GBE1: variants seen among roughly 807,000 people sequenced by gnomAD.
GBE1 encodes the protein 1,4-alpha-glucan branching enzyme 1.
Under a neutral mutation model 88.8 loss-of-function variants are expected in GBE1, and 70 were observed. The observed-to-expected ratio is 0.79, with a 90% CI of 0.65 to 0.96. The LOEUF is 0.96. Among genes scored for constraint, GBE1 ranks in the 40% least tolerant of loss-of-function variants. The pLI, the probability that GBE1 is intolerant of heterozygous loss-of-function variation, is 0.00. For missense variants in GBE1, 872 were observed against 871.0 expected (o/e 1.00, Z -0.01); for synonymous variants, 284 against 300.1 (o/e 0.95, Z 0.56).
Position 81,591,127 on chromosome 3 carries a change from TC to T in GBE1, c.1145del (p.Gly382AspfsTer4). On this transcript the variant is annotated frameshift_variant, in exon 9 of 16. Transcript: ENST00000429644. LOFTEE classifies it high-confidence loss of function. ...TCAAGGCATCTTCATCTACTTGTAG[TC>T]CGAAATATTCACTGTAATCACCTGA... ...GFSGDYSEYFGLQVDEDALTY... is the reference protein window; with the variant it reads ...GFSGDYSEYFXLQVDEDALTY... 1 of 1,606,716 alleles carries T rather than the reference TC, an allele frequency of 6.2e-7. No homozygotes were observed. The highest frequency in any genetic ancestry group is 8.5e-7 in the Non-Finnish European group (1 of 1,175,810).
intron 15 of GBE1, 54 bp downstream of exon 15, chr3:81,499,056 T>TGTA: frequency 1.2e-6 from 1 of 830,950 alleles, no homozygotes; most frequent in Admixed American, 2.6e-5. Flanking sequence ...AAAACATTAC[T>TGTA]ATAATAAAAG....
chr3:81,750,659 GTATATATATA>G lies in GBE1; in HGVS notation c.143+10706_143+10715del, dbSNP rs1553696645. On this transcript the variant is annotated intron_variant, in intron 1 of 15. Transcript: ENST00000429644. Reference sequence around the variant, plus strand: ...TATATATATATGTATATATATATATGTATATATATATATACGTATATATATATATATATAT... The same window carrying G: ...TATATATATATGTATATATATATATGTATACGTATATATATATATATATAT... Among the ~76,000 whole-genome samples, 18 of 35,290 alleles carry G rather than the reference GTATATATATA, an allele frequency of 5.1e-4. 3 individuals carry two copies. The highest frequency in any genetic ancestry group is 1.1e-3 in the African/African-American group (5 of 4,656). The allele number at this position is 35,290 out of a possible 152,430, so 23.2% of individuals were successfully genotyped here. A position where few individuals can be genotyped will look rare whatever the true frequency, so the allele number is the denominator to read the frequency against.
At chr3:81,682,341 A>G (rs1705358779) in intron 2 of GBE1, among the ~76,000 whole-genome samples, 1 of 152,164 alleles carries the variant, frequency 6.6e-6, no homozygotes, top group Admixed American at 6.6e-5. Context: ...ACACGCCTGT[A>G]GTCCTAGCTA....
intron 2 of GBE1, among the ~76,000 whole-genome samples, chr3:81,696,962 G>A (rs1705604916): frequency 6.6e-6 from 1 of 151,962 alleles, no homozygotes; most frequent in Non-Finnish European, 1.5e-5. Flanking sequence ...AAAGGTATGG[G>A]AACTTCTCCC....
intron 7 of GBE1, among the ~76,000 whole-genome samples, chr3:81,601,707 T>C (rs922543326): frequency 6.6e-6 from 1 of 152,166 alleles, no homozygotes; most frequent in African/African-American, 2.4e-5. Flanking sequence ...GGCTGTAATA[T>C]ATCAATGTGT....
intron 15 of GBE1, among the ~76,000 whole-genome samples, chr3:81,491,623 T>C (rs1051255441): frequency 6.6e-6 from 1 of 152,206 alleles, no homozygotes; most frequent in Non-Finnish European, 1.5e-5. Context: ...AATAATATTG[T>C]AGATGGTTGT....
chr3:81,701,295 C>T (rs9847076), intron 2 of GBE1, among the ~76,000 whole-genome samples: 19,295 of 151,726 alleles, frequency 0.13, 1,370 homozygotes, highest in Non-Finnish European at 0.17. Flanking sequence ...AACGACTGGA[C>T]GAAAAAGAAA....
At position 81,756,185 on chromosome 3, in the gene GBE1, T is replaced by C. The variant is rs143301157; in HGVS notation, c.143+5190A>G. 1.2e-4 allele frequency among the ~76,000 whole-genome samples: 18 copies of C among 152,318 alleles called. 1 individual carries two copies. The East Asian group carries it at 3.5e-3, about 29-fold the overall frequency. On this transcript the variant is annotated intron_variant, in intron 1 of 15. Coordinates refer to ENST00000429644, the MANE Select transcript of GBE1 (RefSeq NM_000158.4). ...CAGAGATCAAACTTTTAGTCTCTGA[T>C]GAGTATGAAAGTATCTAATTAAGAA...
At chr3:81,700,768 A>T (rs191253177) in intron 2 of GBE1, among the ~76,000 whole-genome samples, 4 of 152,272 alleles carry the variant, frequency 2.6e-5, no homozygotes, top group Non-Finnish European at 4.4e-5. Flanking sequence ...ACTCTGCAAA[A>T]ATATCAGTGG....
intron 14 of GBE1, among the ~76,000 whole-genome samples, chr3:81,525,765 G>T (rs1337426906): frequency 2.0e-5 from 3 of 152,042 alleles, no homozygotes; most frequent in Non-Finnish European, 4.4e-5. Flanking sequence ...TCTTGGGAGA[G>T]TGTATGTGTC....
At chr3:81,736,557 C>T (rs1195608602) in intron 1 of GBE1, among the ~76,000 whole-genome samples, 1 of 152,190 alleles carries the variant, frequency 6.6e-6, no homozygotes, top group Admixed American at 6.5e-5. Flanking sequence ...AATTAGCCTG[C>T]TACCTGATAT....
chr3:81,629,029 T>TG (rs1704465349), intron 7 of GBE1, among the ~76,000 whole-genome samples: 4 of 144,450 alleles, frequency 2.8e-5, no homozygotes, highest in Admixed American at 2.1e-4. Context: ...TTTTTTTTTT[T>TG]TTTTTTTTTT....
intron 12 of GBE1, among the ~76,000 whole-genome samples, chr3:81,542,542 G>C (rs946188383): frequency 1.2e-4 from 18 of 151,894 alleles, no homozygotes; most frequent in African/African-American, 3.9e-4. Flanking sequence ...TATATGTTTA[G>C]GATTCTACTT....
At chr3:81,656,351 C>T (rs1361663975) in intron 3 of GBE1, among the ~76,000 whole-genome samples, 1 of 151,954 alleles carries the variant, frequency 6.6e-6, no homozygotes, top group Admixed American at 6.6e-5. Context: ...AGTGGAGTGA[C>T]GAGGATACTA....
chr3:81,674,198 A>G (rs183204089), intron 2 of GBE1, among the ~76,000 whole-genome samples: 30 of 151,954 alleles, frequency 2.0e-4, no homozygotes, highest in Admixed American at 2.0e-3. Context: ...TCCATTAAAA[A>G]CATGGGCACC....
At chr3:81,617,994 T>C (rs1457534809) in intron 7 of GBE1, among the ~76,000 whole-genome samples, 2 of 152,058 alleles carry the variant, frequency 1.3e-5, no homozygotes, top group African/African-American at 4.8e-5. Context: ...AATGTATGTA[T>C]GTAGAGTTAT....
At chr3:81,586,285 A>T (rs953399521) in intron 9 of GBE1, 95 bp from the exon 10 acceptor site, 1 of 749,572 alleles carries the variant, frequency 1.3e-6, no homozygotes, top group African/African-American at 1.9e-5. Context: ...TAATAGGGGA[A>T]TATATTTTTG....
chr3:81,761,269 T>C, intron 1 of GBE1, 106 bp downstream of exon 1: 5 of 1,416,012 alleles, frequency 3.5e-6, no homozygotes, highest in Non-Finnish European at 4.7e-6. Flanking sequence ...CCTCCCCGCC[T>C]GGGGCGGGGT....
chr3:81,598,547 C>A (rs1703989059), intron 7 of GBE1, among the ~76,000 whole-genome samples: 1 of 151,492 alleles, frequency 6.6e-6, no homozygotes, highest in African/African-American at 2.4e-5. Context: ...ATTAAATTAA[C>A]CAACAATTAA....
Sources: gnomAD v4.1 joint callset for allele counts (sites outside exome capture counted in the v4.1 genomes callset) on GRCh38, gnomAD v4.1.1 for gene constraint, MANE v1.5 for transcripts, NCBI Gene and HGNC (gene_info 2026-07-23, HGNC 2026-07-21) for gene names.